The following CATSPERD variants were observed in gnomAD, a reference collection of about 807,000 sequenced individuals.
CATSPERD encodes the protein cation channel sperm-associated auxiliary subunit delta.
CATSPERD carries 86 observed loss-of-function variants against 98.1 expected under a neutral mutation model. The observed-to-expected ratio is 0.88, with a 90% confidence interval of 0.74 to 1.05. The LOEUF (loss-of-function observed/expected upper bound fraction) is 1.05. Ranked by LOEUF, CATSPERD falls within the 50% of genes least tolerant of loss-of-function variation. The pLI, the probability that CATSPERD is intolerant of heterozygous loss-of-function variation, is 0.00. For synonymous variants in CATSPERD, 394 were observed against 390.2 expected, an observed-to-expected ratio of 1.01 and a Z score of -0.12; for missense variants, 995 against 1,005.7, an observed-to-expected ratio of 0.99 and a Z score of 0.14.
rs2056085706 is a variant in CATSPERD, at chr19:5,745,990, C to T, written c.735C>T (p.Ile245=). ...TTGACTATAATGGGACTCTAGACAT[C>T]CTCATCGCCCCCGGCCAGAGAGGCA... is the stretch of plus-strand genomic sequence containing the variant. ...LSFDYNGTLD[I]LIAPGQRGIL... Residue 245 remains isoleucine (I), a synonymous_variant, in exon 9 of 22, where the codon ATC becomes ATT. Coordinates refer to ENST00000381624, the MANE Select transcript of CATSPERD (RefSeq NM_152784.4). 6.2e-7 allele frequency: 1 copy of T among 1,614,138 alleles called. No homozygotes were observed. Among genetic ancestry groups the T allele is most frequent in the African/African-American group, 1.3e-5 (1 of 75,046 alleles).
rs954847571 is a variant in CATSPERD, at chr19:5,763,254, A to G, written c.1467A>G (p.Ile489Met). The change falls in exon 16 of 22, where the codon ATA becomes ATG. Residue 489 changes from isoleucine to methionine, a missense_variant. Coordinates refer to ENST00000381624, the MANE Select transcript of CATSPERD (RefSeq NM_152784.4). ...KATMSTLTVD[I>M]ANKEISCVDI... Reference sequence around the variant, plus strand: ...CCATGTCTACCTTAACTGTGGACATAGCAAACAAGGAAATTTCATGTGTGG... The same window carrying G: ...CCATGTCTACCTTAACTGTGGACATGGCAAACAAGGAAATTTCATGTGTGG... 1.9e-6 allele frequency: 3 copies of G among 1,614,042 alleles called. No individual in the cohort carries two copies. The highest frequency in any genetic ancestry group is 1.7e-6 in the Non-Finnish European group (2 of 1,180,026).
chr19:5,725,210 G>A (rs1413760338), intron 2 of CATSPERD, among the ~76,000 whole-genome samples: 2 of 152,098 alleles, frequency 1.3e-5, no homozygotes, highest in East Asian at 3.8e-4. Context: ...GGAGTGCAGT[G>A]GCGCAATCTC....
chr19:5,731,191 A>G (rs1307372910), intron 4 of CATSPERD, among the ~76,000 whole-genome samples: 2 of 151,782 alleles, frequency 1.3e-5, no homozygotes, highest in African/African-American at 4.8e-5. Flanking sequence ...TGCTAAATAA[A>G]GTTTTGGGCT....
At chr19:5,730,023 C>G in intron 4 of CATSPERD, 79 bp downstream of exon 4, 1 of 876,634 alleles carries the variant, frequency 1.1e-6, no homozygotes, top group East Asian at 2.5e-5. Flanking sequence ...AAATATCAGA[C>G]TGGTCTGTTT....
In CATSPERD at chr19:5,758,923, CAAAAA is replaced by C. The variant is rs1002375684; in HGVS notation, c.1369-144_1369-140del. Among the ~76,000 whole-genome samples, 7 of 39,504 alleles carry C rather than the reference CAAAAA, an allele frequency of 1.8e-4. No homozygotes were observed. In the East Asian group the frequency reaches 4.3e-3, roughly 24 times the overall value. The allele number at this position is 39,504 out of a possible 152,430, so 25.9% of individuals were successfully genotyped here. A position where few individuals can be genotyped will look rare whatever the true frequency, so the allele number is the denominator to read the frequency against. On this transcript the variant is annotated intron_variant, in intron 14 of 21. Transcript: ENST00000381624. Reference sequence around the variant, plus strand: ...TGGGCAACAGAGAGAGACTCCATCTCAAAAAAAAAAAAAAAAAAAAAAAGGAACAG... The same window carrying C: ...TGGGCAACAGAGAGAGACTCCATCTCAAAAAAAAAAAAAAAAAAGGAACAG...
intron 14 of CATSPERD, 35 bp from the exon 15 acceptor site, chr19:5,759,051 G>A (rs976852974): frequency 8.7e-6 from 14 of 1,602,602 alleles, no homozygotes; most frequent in East Asian, 4.5e-5. Flanking sequence ...GGTGTTCCAC[G>A]GATACACTTG....
At chr19:5,738,897 T>C (rs1184284485) in intron 6 of CATSPERD, among the ~76,000 whole-genome samples, 1 of 147,966 alleles carries the variant, frequency 6.8e-6, no homozygotes, top group Non-Finnish European at 1.5e-5. Context: ...TTGTTTTTGT[T>C]TTTGTTTTTT....
rs945749135 is a variant in CATSPERD, at chr19:5,727,274, C to T, written c.133C>T (p.Leu45=). Residue 45 remains leucine (L), a synonymous_variant, in exon 3 of 22, where the codon CTG becomes TTG. Transcript: ENST00000381624. ...TTTGTGATTATCTCTCTAGGACCGC[C>T]TGTATTTTCATCCTACAACAACACG... ...NLIQDVQGDR[L]YFHPTTTRLI... The T allele has an allele frequency of 6.2e-7, 1 of 1,611,922 alleles. No individual in the cohort carries two copies. Among genetic ancestry groups the T allele is most frequent in the African/African-American group, 1.3e-5 (1 of 74,972 alleles).
intron 4 of CATSPERD, among the ~76,000 whole-genome samples, chr19:5,731,828 G>A (rs1227603576): frequency 3.9e-5 from 6 of 151,906 alleles, no homozygotes; most frequent in Non-Finnish European, 8.8e-5. Context: ...ACCCGCCTCG[G>A]CCTCCCAAAG....
chr19:5,735,770 G>A, intron 5 of CATSPERD, among the ~76,000 whole-genome samples: 1 of 137,244 alleles, frequency 7.3e-6, no homozygotes, highest in African/African-American at 2.7e-5. Context: ...ACCATGCCCG[G>A]CTAATTTTTT....
intron 1 of CATSPERD, among the ~76,000 whole-genome samples, chr19:5,721,316 CT>C (rs1161844467): frequency 2.7e-5 from 4 of 150,918 alleles, no homozygotes; most frequent in African/African-American, 9.8e-5. Context: ...CCTCCCACTT[CT>C]TTTTCTTTTT....
Position 5,772,970 on chromosome 19 carries a change from C to T in CATSPERD, c.1941+5C>T. On this transcript the variant is annotated splice_donor_5th_base_variant and intron_variant, in intron 20 of 21. Transcript: ENST00000381624. ...CCCTTCTTCTGGAACAGAGAGGTAA[C>T]AGGACCCTAGGATCGTTTCCAGAAG... 2 of 1,612,908 alleles carry T rather than the reference C, an allele frequency of 1.2e-6. No homozygotes were observed. Among genetic ancestry groups the T allele is most frequent in the Non-Finnish European group, 1.7e-6 (2 of 1,179,468 alleles).
rs550530904 is a variant in CATSPERD, at chr19:5,730,333, A to C, written c.276+389A>C. On this transcript the variant is annotated intron_variant, in intron 4 of 21. Coordinates refer to ENST00000381624, the MANE Select transcript of CATSPERD (RefSeq NM_152784.4). ...GCTGAGGCGGGCAGATCACAAGGTC[A>C]AGAGACTGAGACCATCCTGGCCAAC... Among the ~76,000 whole-genome samples, 6 of 151,742 alleles carry C rather than the reference A, an allele frequency of 4.0e-5. No individual in the cohort carries two copies. The East Asian group carries it at 1.2e-3, about 30-fold the overall frequency.
intron 20 of CATSPERD, 39 bp from the exon 21 acceptor site, chr19:5,776,122 A>C (rs372873638): frequency 1.2e-6 from 2 of 1,602,898 alleles, no homozygotes; most frequent in African/African-American, 2.7e-5. Flanking sequence ...CCCCCTCCCC[A>C]GTCCCTAGGG....
chr19:5,770,568 G>A (rs1482006492), intron 18 of CATSPERD, among the ~76,000 whole-genome samples: 2 of 151,556 alleles, frequency 1.3e-5, no homozygotes, highest in African/African-American at 4.9e-5. Flanking sequence ...ATCACTTGAG[G>A]CCAGGAGTTT....
chr19:5,726,903 A>T (rs952047217), intron 2 of CATSPERD, among the ~76,000 whole-genome samples: 1 of 151,842 alleles, frequency 6.6e-6, no homozygotes, highest in African/African-American at 2.4e-5. Flanking sequence ...CGTATTAAAA[A>T]TTATTTCTGG....
intron 1 of CATSPERD, among the ~76,000 whole-genome samples, chr19:5,723,048 G>C (rs1020580642): frequency 3.3e-5 from 5 of 151,632 alleles, no homozygotes; most frequent in African/African-American, 4.8e-5. Flanking sequence ...ATTAGTCGGT[G>C]TGGTGGCGGG....
intron 1 of CATSPERD, among the ~76,000 whole-genome samples, chr19:5,722,926 C>T (rs1038644543): frequency 1.3e-5 from 2 of 152,070 alleles, no homozygotes; most frequent in Non-Finnish European, 2.9e-5. Context: ...CGGGGGCTCA[C>T]GCCTGTAATC....
chr19:5,722,831 G>A (rs1238443134), intron 1 of CATSPERD, among the ~76,000 whole-genome samples: 1 of 151,786 alleles, frequency 6.6e-6, no homozygotes, highest in African/African-American at 2.4e-5. Flanking sequence ...CTCCCTTAAG[G>A]AGCCCCGAAT....
Sources: gnomAD v4.1 joint callset for allele counts (sites outside exome capture counted in the v4.1 genomes callset) on GRCh38, gnomAD v4.1.1 for gene constraint, MANE v1.5 for transcripts, NCBI Gene and HGNC (gene_info 2026-07-23, HGNC 2026-07-21) for gene names.